Variants in DTNA observed in about 807,000 individuals in gnomAD.
DTNA encodes the protein dystrophin-related protein 3.
Under a neutral mutation model 100.7 loss-of-function variants are expected in DTNA, and 43 were observed. The ratio of observed to expected loss-of-function variants is 0.43; its 90% CI spans 0.33 to 0.55. The LOEUF (loss-of-function observed/expected upper bound fraction) is 0.55. Among genes scored for constraint, DTNA ranks in the 20% least tolerant of loss-of-function variants. The probability of loss-of-function intolerance (pLI) is 0.04; values close to 1 mark genes in which losing one functional copy is unlikely to be tolerated. For missense variants in DTNA, 798 were observed against 953.9 expected, an observed-to-expected ratio of 0.84 and a Z score of 2.15; for synonymous variants, 349 against 347.9, an observed-to-expected ratio of 1.00 and a Z score of -0.04.
chr18:34,644,052 A>G (rs1008699757), intron 1 of DTNA, among the ~76,000 whole-genome samples: 28 of 152,334 alleles, frequency 1.8e-4, no homozygotes, highest in African/African-American at 6.5e-4. Context: ...GGGATAATAG[A>G]AAATGGGAAT....
intron 1 of DTNA, among the ~76,000 whole-genome samples, chr18:34,588,157 AC>A (rs1159479741): frequency 1.3e-5 from 2 of 152,204 alleles, no homozygotes; most frequent in Non-Finnish European, 2.9e-5. Flanking sequence ...ATATCTATAG[AC>A]TTAAGATTCA....
At chr18:34,571,712 C>T (rs1345329826) in intron 1 of DTNA, among the ~76,000 whole-genome samples, 2 of 152,160 alleles carry the variant, frequency 1.3e-5, no homozygotes, top group East Asian at 1.9e-4. Context: ...AAATGGATTA[C>T]ATCATGCCTA....
rs1401348118 is a variant in DTNA at position 34,818,326 on chromosome 18, C to A, written c.872C>A (p.Ser291Ter). Residue 291 changes from serine to a stop codon, truncating the protein, a stop_gained, in exon 8 of 23, where the codon TCA (serine) becomes TAA (stop). Transcript: ENST00000444659. LOFTEE classifies it high-confidence loss of function. ...CAGCACCAAATGAAAGAGTACACGT[C>A]ATGGGTAAGGCAAGGTCCAGGCAAT... The part of the protein sequence containing the change: ...SNQHQMKEYT[S>*]WKSPAKKLTN... 8 of 1,613,594 alleles carry A rather than the reference C, an allele frequency of 5.0e-6. No individual in the cohort carries two copies. Among genetic ancestry groups the A allele is most frequent in the Non-Finnish European group, 6.8e-6 (8 of 1,179,800 alleles).
At chr18:34,681,471 C>G (rs922829398) in intron 1 of DTNA, among the ~76,000 whole-genome samples, 6 of 152,030 alleles carry the variant, frequency 3.9e-5, no homozygotes, top group African/African-American at 1.5e-4. Context: ...TACCAATGCC[C>G]CCAGAAGTCC....
chr18:34,719,372 G>C (rs1001322434), intron 1 of DTNA, among the ~76,000 whole-genome samples: 12 of 141,198 alleles, frequency 8.5e-5, no homozygotes, highest in African/African-American at 2.6e-4. Context: ...AAAATAAGTA[G>C]TTATTATCTC....
At chr18:34,827,887 C>G (rs2095896857) in intron 10 of DTNA, among the ~76,000 whole-genome samples, 1 of 152,090 alleles carries the variant, frequency 6.6e-6, no homozygotes, top group African/African-American at 2.4e-5. Flanking sequence ...TGTCTGGAAA[C>G]CTGCATTTAT....
intron 3 of DTNA, among the ~76,000 whole-genome samples, chr18:34,779,871 A>G (rs987798592): frequency 2.0e-5 from 3 of 152,226 alleles, no homozygotes; most frequent in Non-Finnish European, 2.9e-5. Context: ...CAAATTTAGT[A>G]ATAGAATAAC....
rs540319042 is a variant in DTNA at position 34,844,430 on chromosome 18, C to T, written c.1347-3866C>T. Among the ~76,000 whole-genome samples the T allele has an allele frequency of 3.3e-5, 5 of 152,214 alleles. No individual in the cohort carries two copies. In the East Asian group the frequency reaches 5.8e-4, roughly 18 times the overall value. ...CAGTGTCACTTTGTTCCTTTCTACC[C>T]TGACTCTCTTGAGCTCACTGACTTC... On this transcript the variant is annotated intron_variant, in intron 13 of 22. Coordinates refer to ENST00000444659, the MANE Select transcript of DTNA (RefSeq NM_001386795.1).
At chr18:34,806,348 G>T in intron 5 of DTNA, 44 bp downstream of exon 5, 1 of 1,546,208 alleles carries the variant, frequency 6.5e-7, no homozygotes, top group South Asian at 1.1e-5. Context: ...TTCCTTGCTA[G>T]GTACCACCCT....
At chr18:34,801,796 A>G (rs977955746) in intron 4 of DTNA, among the ~76,000 whole-genome samples, 5 of 152,182 alleles carry the variant, frequency 3.3e-5, no homozygotes, top group African/African-American at 1.2e-4. Context: ...GGCGTGAGCC[A>G]TCACCCCTGG....
chr18:34,783,161 T>TA (rs1244270841), intron 3 of DTNA, among the ~76,000 whole-genome samples: 1 of 152,250 alleles, frequency 6.6e-6, no homozygotes, highest in East Asian at 1.9e-4. Context: ...ATCCTTGGTA[T>TA]AATACTTTAA....
intron 1 of DTNA, among the ~76,000 whole-genome samples, chr18:34,524,536 A>T (rs1017023958): frequency 2.0e-5 from 3 of 152,142 alleles, no homozygotes; most frequent in African/African-American, 7.2e-5. Context: ...GTAGGATATC[A>T]TCTGACTTCT....
chr18:34,820,191 G>C (rs1485362410), intron 8 of DTNA, among the ~76,000 whole-genome samples: 3 of 151,878 alleles, frequency 2.0e-5, no homozygotes, highest in South Asian at 2.1e-4. Context: ...CTTCTAACTG[G>C]ATGTGTTCAG....
At chr18:34,843,205 A>G (rs895524049) in intron 13 of DTNA, among the ~76,000 whole-genome samples, 1 of 152,182 alleles carries the variant, frequency 6.6e-6, no homozygotes, top group African/African-American at 2.4e-5. Context: ...GTATAGGAGT[A>G]TAAAATAGAT....
At chr18:34,504,000 A>C (rs2040226715) in intron 1 of DTNA, 1 of 151,620 alleles carries the variant, frequency 6.6e-6, no homozygotes, top group Admixed American at 6.6e-5. Flanking sequence ...CACACTGGCT[A>C]ATTTTATTTT....
At chr18:34,755,921 C>A in intron 1 of DTNA, 55 bp from the exon 2 acceptor site, 1 of 1,500,076 alleles carries the variant, frequency 6.7e-7, no homozygotes, top group Non-Finnish European at 9.3e-7. Context: ...AGAGAAATGG[C>A]TTCTTGCCTC....
Position 34,879,625 on chromosome 18 carries a change from C to A in DTNA, c.2068C>A (p.Pro690Thr). 6.2e-7 allele frequency: 1 copy of A among 1,614,058 alleles called. No homozygotes were observed. The highest frequency in any genetic ancestry group is 8.5e-7 in the Non-Finnish European group (1 of 1,180,002). The change falls in exon 20 of 23, where the codon CCA (proline) becomes ACA (threonine). Residue 690 changes from proline (P) to threonine (T), a missense_variant. Physicochemically the swap from Pro to Thr is conservative, Grantham distance 38. Around this residue, in one of 6 missense-constraint regions of DTNA, gnomAD observed 242 missense variants for 238.2 expected, o/e 1.02. Coordinates refer to ENST00000444659, the MANE Select transcript of DTNA (RefSeq NM_001386795.1). ...TCAGTTTGAGGATCTTGTTCCCTCACCAACCTCTGAAAAGGCTTTTCTAGC... is the reference window on the plus strand; with the variant it reads ...TCAGTTTGAGGATCTTGTTCCCTCAACAACCTCTGAAAAGGCTTTTCTAGC... ...RTQFEDLVPSPTSEKAFLAQI... is the reference protein window; with the variant it reads ...RTQFEDLVPSTTSEKAFLAQI...
chr18:34,572,081 A>G (rs750813556), intron 1 of DTNA, among the ~76,000 whole-genome samples: 1 of 152,222 alleles, frequency 6.6e-6, no homozygotes, highest in Non-Finnish European at 1.5e-5. Context: ...TAAAAAATCA[A>G]GAGAGACTGG....
At position 34,650,049 on chromosome 18, in the gene DTNA, GA is replaced by G. The variant is rs978817938; in HGVS notation, c.-1-105916del. On this transcript the variant is annotated intron_variant, in intron 1 of 19. Transcript: ENST00000283365. The stretch of plus-strand genomic sequence containing the variant: ...AGTGGTAGTTCACAACCTAGCAAAA[GA>G]AAAAAAAAAACTGAAGTCTTGGATA... Among the ~76,000 whole-genome samples the G allele has an allele frequency of 2.6e-3, 375 of 144,440 alleles. 4 individuals carry two copies. The highest frequency in any genetic ancestry group is 7.8e-3 in the African/African-American group (308 of 39,666). 94.8% of individuals were successfully genotyped at this position (144,440 alleles called of 152,430 possible). A position where few individuals can be genotyped will look rare whatever the true frequency, so the allele number is the denominator to read the frequency against.
Sources: allele counts gnomAD v4.1 joint callset (sites outside exome capture counted in the v4.1 genomes callset), GRCh38; gene constraint gnomAD v4.1.1; regional missense constraint gnomAD v4.1.1; transcripts MANE v1.5; gene names NCBI Gene and HGNC (gene_info 2026-07-23, HGNC 2026-07-21).